The following ATP11A variants were observed in gnomAD, a reference collection of about 807,000 sequenced individuals.
ATP11A encodes the protein phospholipid-transporting ATPase IH.
A neutral mutation model predicts 154.4 loss-of-function variants in ATP11A; 81 were observed. The ratio of observed to expected loss-of-function variants is 0.52; its 90% CI spans 0.44 to 0.63. The LOEUF (loss-of-function observed/expected upper bound fraction) is 0.63, where lower values mean the gene tolerates loss of function less well. ATP11A is among the 30% of genes least tolerant of loss of function. The pLI, the probability that ATP11A is intolerant of heterozygous loss-of-function variation, is 0.00. For synonymous variants in ATP11A, 623 were observed against 585.9 expected (o/e 1.06, Z -0.91); for missense variants, 1,316 against 1,474.3 (o/e 0.89, Z 1.76).
intron 1 of ATP11A, among the ~76,000 whole-genome samples, chr13:112,771,736 C>T (rs1183812232): frequency 6.6e-6 from 1 of 152,228 alleles, no homozygotes; most frequent in Non-Finnish European, 1.5e-5. Context: ...CAGCCGCGGG[C>T]ACACAGGCTC....
chr13:112,872,007 C>T (rs910840601), intron 26 of ATP11A, among the ~76,000 whole-genome samples: 2 of 152,150 alleles, frequency 1.3e-5, no homozygotes, highest in African/African-American at 4.8e-5. Flanking sequence ...GCACACCCGG[C>T]CACCCCATGT....
chr13:112,690,679 C>T lies in ATP11A; in HGVS notation c.39+224C>T, dbSNP rs1885048846. Among the ~76,000 whole-genome samples, 1 of 152,008 alleles carries T rather than the reference C, an allele frequency of 6.6e-6. No homozygotes were observed. The highest frequency in any genetic ancestry group is 1.5e-5 in the Non-Finnish European group (1 of 67,972). On this transcript the variant is annotated intron_variant, in intron 1 of 29. Coordinates refer to ENST00000375645, the MANE Select transcript of ATP11A (RefSeq NM_015205.3). This position sits in a 1 kb window ranked among gnomAD's most constrained non-coding sequence, Gnocchi z 5.6. Reference sequence around the variant, plus strand: ...AGGTGGGCACAGCGCGGGGCCCCAGCCCCGGGCGGCCACCTGCTCCCTGGC... The same window carrying T: ...AGGTGGGCACAGCGCGGGGCCCCAGTCCCGGGCGGCCACCTGCTCCCTGGC...
intron 1 of ATP11A, among the ~76,000 whole-genome samples, chr13:112,702,904 G>A (rs1450188229): frequency 1.3e-5 from 2 of 152,238 alleles, no homozygotes; most frequent in Non-Finnish European, 2.9e-5. Flanking sequence ...ACACAGGCTT[G>A]ATGATTGAGA....
At chr13:112,708,671 A>G (rs1269480704) in intron 1 of ATP11A, among the ~76,000 whole-genome samples, 3 of 152,244 alleles carry the variant, frequency 2.0e-5, no homozygotes, top group African/African-American at 7.2e-5. Context: ...AGTCTGATGG[A>G]CAGTTTCTCG....
intron 1 of ATP11A, among the ~76,000 whole-genome samples, chr13:112,762,046 G>C (rs1447099056): frequency 1.3e-5 from 2 of 152,200 alleles, no homozygotes; most frequent in Non-Finnish European, 2.9e-5. Context: ...ATGGAAGATA[G>C]AAAGCAGCAG....
chr13:112,855,862 C>T (rs1269017276), intron 19 of ATP11A, 49 bp from the exon 20 acceptor site: 2 of 1,518,326 alleles, frequency 1.3e-6, no homozygotes, highest in Non-Finnish European at 1.8e-6. Context: ...CTTCTAAAAT[C>T]TATAGATTTA....
intron 3 of ATP11A, among the ~76,000 whole-genome samples, chr13:112,805,812 T>C (rs1021544583): frequency 1.3e-5 from 2 of 152,150 alleles, no homozygotes; most frequent in African/African-American, 4.8e-5. Flanking sequence ...GTGCCAAATG[T>C]GTTTTAAGAA....
intron 1 of ATP11A, among the ~76,000 whole-genome samples, chr13:112,742,467 C>T (rs938711295): frequency 2.0e-5 from 3 of 152,158 alleles, no homozygotes; most frequent in Non-Finnish European, 4.4e-5. Context: ...GGACTTATGA[C>T]AGGTGCTGTC....
chr13:112,881,244 C>G, intron 29 of ATP11A: 3 of 991,588 alleles, frequency 3.0e-6, no homozygotes, highest in African/African-American at 1.7e-5. Flanking sequence ...TGGTCAGACC[C>G]ACAGGGCCCG....
chr13:112,713,733 A>G (rs575948121), intron 1 of ATP11A, among the ~76,000 whole-genome samples: 12 of 152,204 alleles, frequency 7.9e-5, no homozygotes, highest in Non-Finnish European at 1.6e-4. Flanking sequence ...GATGACAGAC[A>G]GCTAACTGTT....
rs1402579728 is a variant in ATP11A, at chr13:112,859,217, G to A, written c.2668-176G>A. 1 of 640,356 alleles carries A rather than the reference G, an allele frequency of 1.6e-6. No individual in the cohort carries two copies. The highest frequency in any genetic ancestry group is 2.9e-6 in the Non-Finnish European group (1 of 350,700). 39.7% of individuals were successfully genotyped at this position (640,356 alleles called of 1,614,324 possible). On this transcript the variant is annotated intron_variant, in intron 22 of 29. Coordinates refer to ENST00000375645, the MANE Select transcript of ATP11A (RefSeq NM_015205.3). This position sits in a 1 kb window ranked among gnomAD's most constrained non-coding sequence, Gnocchi z 4.3. ...CTGAGTGGCCAAAACGTGGTCACATGTGCATTTCAGTTGCCCCTGAAATAA... is the reference window on the plus strand; with the variant it reads ...CTGAGTGGCCAAAACGTGGTCACATATGCATTTCAGTTGCCCCTGAAATAA...
chr13:112,770,165 A>ATG (rs2077192906), intron 1 of ATP11A, among the ~76,000 whole-genome samples: 1 of 152,144 alleles, frequency 6.6e-6, no homozygotes, highest in South Asian at 2.1e-4. Flanking sequence ...GGCATTCCAG[A>ATG]GTAGGCCAAG....
At chr13:112,734,448 T>C (rs1179595337) in intron 1 of ATP11A, among the ~76,000 whole-genome samples, 1 of 152,174 alleles carries the variant, frequency 6.6e-6, no homozygotes, top group East Asian at 1.9e-4. Flanking sequence ...CTTGTCTTTA[T>C]TTCTAATTTG....
Position 112,878,186 on chromosome 13 carries a change from T to G in ATP11A, c.3328-31T>G, listed in dbSNP as rs779107471. 2.7e-5 allele frequency: 43 copies of G among 1,595,550 alleles called. 1 individual carries two copies. In the South Asian group the frequency reaches 4.3e-4, roughly 16 times the overall value. ...TCCTCACACCTTGTTCACACACCCC[T>G]GTGTGCGTGGCCGCTGACCTCGGGA... On this transcript the variant is annotated intron_variant, in intron 28 of 29. Coordinates refer to ENST00000375645, the MANE Select transcript of ATP11A (RefSeq NM_015205.3).
intron 1 of ATP11A, among the ~76,000 whole-genome samples, chr13:112,761,715 T>C (rs115341271): frequency 0.05 from 7,386 of 146,996 alleles, 679 homozygotes; most frequent in African/African-American, 0.19. Flanking sequence ...TTCAGGAATC[T>C]CCTGGGGTCT....
intron 1 of ATP11A, among the ~76,000 whole-genome samples, chr13:112,716,675 GC>G (rs1888493961): frequency 6.6e-6 from 1 of 152,192 alleles, no homozygotes; most frequent in African/African-American, 2.4e-5. Context: ...CGTCGATGGG[GC>G]CGGGCCGCTG....
At chr13:112,865,549 T>TC (rs2080302520) in intron 25 of ATP11A, among the ~76,000 whole-genome samples, 10 of 152,188 alleles carry the variant, frequency 6.6e-5, no homozygotes, top group Admixed American at 6.5e-4. Context: ...TTTTTTTTTG[T>TC]TTTTTTGTTG....
chr13:112,800,254 A>G (rs2078098981), intron 2 of ATP11A, among the ~76,000 whole-genome samples: 1 of 152,098 alleles, frequency 6.6e-6, no homozygotes. Flanking sequence ...AACTTTAGCC[A>G]GGCTAAACAA....
chr13:112,873,554 C>CTTTTTTTT lies in ATP11A; in HGVS notation c.3058-16_3058-9dup, dbSNP rs112313900. On this transcript the variant is annotated intron_variant, in intron 26 of 29. Transcript: ENST00000375645. ...TGCTCAGATGACACCGTTAACTGCC[C>CTTTTTTTT]TTTTTTTTTTCCTTTTAGCTTGCAT... 2.9e-6 allele frequency: 4 copies of CTTTTTTTT among 1,370,372 alleles called. No individual in the cohort carries two copies. The highest frequency in any genetic ancestry group is 1.4e-5 in the South Asian group (1 of 72,538). The allele number at this position is 1,370,372 out of a possible 1,614,324, so 84.9% of individuals were successfully genotyped here. A position where few individuals can be genotyped will look rare whatever the true frequency, so the allele number is the denominator to read the frequency against.
Sources: gnomAD v4.1 joint callset for allele counts (sites outside exome capture counted in the v4.1 genomes callset) on GRCh38, gnomAD v4.1.1 for gene constraint, Gnocchi (gnomAD v3.1) non-coding constraint, MANE v1.5 for transcripts, NCBI Gene and HGNC (gene_info 2026-07-23, HGNC 2026-07-21) for gene names.